The following ANK3 variants were observed in gnomAD, a reference collection of about 807,000 sequenced individuals.
ANK3 encodes ankyrin 3, also known as ankyrin-3.
In ANK3, 57 loss-of-function variants were observed where a neutral mutation model predicts 370.9. That is an observed-to-expected ratio of 0.15 (90% CI 0.12 to 0.19). The LOEUF is 0.19. Among genes scored for constraint, ANK3 ranks in the 10% least tolerant of loss-of-function variants. The pLI, the probability that ANK3 is intolerant of heterozygous loss-of-function variation, is 1.00. For synonymous variants in ANK3, 1,929 were observed against 1,946.3 expected, an observed-to-expected ratio of 0.99 and a Z score of 0.23; for missense variants, 4,439 against 5,302.1, an observed-to-expected ratio of 0.84 and a Z score of 5.06.
intron 2 of ANK3, among the ~76,000 whole-genome samples, chr10:60,473,579 A>G (rs1029725306): frequency 2.6e-5 from 4 of 152,166 alleles, no homozygotes; most frequent in African/African-American, 9.6e-5. Context: ...ACCCCTTAAG[A>G]AAAGGACAAC....
At chr10:60,448,403 C>T (rs558043810) in intron 2 of ANK3, among the ~76,000 whole-genome samples, 2 of 152,324 alleles carry the variant, frequency 1.3e-5, no homozygotes, top group South Asian at 4.1e-4. Context: ...GTCTTTCCTT[C>T]TGACTCAGAC....
At chr10:60,277,189 G>A (rs112639476) in intron 4 of ANK3, among the ~76,000 whole-genome samples, 1 of 152,170 alleles carries the variant, frequency 6.6e-6, no homozygotes, top group Non-Finnish European at 1.5e-5. Context: ...GTAGTAAGCA[G>A]GGGAGGAAGT....
Position 60,333,335 on chromosome 10 carries a change from C to T in ANK3, c.115-53696G>A, listed in dbSNP as rs982997254. On this transcript the variant is annotated intron_variant, in intron 1 of 43. Coordinates refer to ENST00000280772, the MANE Select transcript of ANK3 (RefSeq NM_020987.5). ...CCCCGACAGGCCCCAGTGTGTGATG[C>T]TCCCCTCCCTGTGCCCATGTGTTCT... 9.2e-5 allele frequency among the ~76,000 whole-genome samples: 14 copies of T among 151,806 alleles called. No homozygotes were observed. The Middle Eastern group carries it at 0.017, about 184-fold the overall frequency.
chr10:60,173,791 A>G (rs2095853833), intron 18 of ANK3, among the ~76,000 whole-genome samples: 1 of 152,146 alleles, frequency 6.6e-6, no homozygotes, highest in South Asian at 2.1e-4. Context: ...CCACTGATTC[A>G]CTGATTTAGA....
chr10:60,175,199 C>CTCCA (rs1318950875), intron 18 of ANK3, among the ~76,000 whole-genome samples: 1 of 152,208 alleles, frequency 6.6e-6, no homozygotes, highest in East Asian at 1.9e-4. Context: ...GGTCGCTGTG[C>CTCCA]TCCAGGACAC....
chr10:60,546,107 T>C (rs1364685641), intron 2 of ANK3, among the ~76,000 whole-genome samples: 1 of 152,264 alleles, frequency 6.6e-6, no homozygotes, highest in East Asian at 1.9e-4. Context: ...ACAATCATAG[T>C]TCTCTGTGGC....
intron 7 of ANK3, among the ~76,000 whole-genome samples, chr10:60,261,547 G>T (rs1323711252): frequency 1.3e-5 from 2 of 152,184 alleles, no homozygotes; most frequent in Non-Finnish European, 2.9e-5. Context: ...AAGGGTTTCA[G>T]AAATTTTAAC....
intron 28 of ANK3, among the ~76,000 whole-genome samples, chr10:60,103,904 C>T (rs1458787991): frequency 6.6e-6 from 1 of 152,046 alleles, no homozygotes; most frequent in Non-Finnish European, 1.5e-5. Flanking sequence ...AACTATGCAG[C>T]CATAAAAAAG....
intron 41 of ANK3, among the ~76,000 whole-genome samples, chr10:60,058,063 C>A (rs1316641664): frequency 6.6e-6 from 1 of 152,084 alleles, no homozygotes; most frequent in Admixed American, 6.6e-5. Context: ...ATATTTTAGT[C>A]TAATGTGTAT....
At chr10:60,656,068 T>C (rs1297878791) in intron 1 of ANK3, among the ~76,000 whole-genome samples, 2 of 152,198 alleles carry the variant, frequency 1.3e-5, no homozygotes, top group Non-Finnish European at 2.9e-5. Flanking sequence ...AATTTCTCAA[T>C]GTGTATCTGT....
At chr10:60,272,256 C>A (rs2098003905) in intron 4 of ANK3, among the ~76,000 whole-genome samples, 1 of 151,654 alleles carries the variant, frequency 6.6e-6, no homozygotes, top group Admixed American at 6.6e-5. Context: ...CTAATTGGAC[C>A]AAAATGAAAG....
intron 26 of ANK3, 146 bp from the exon 27 acceptor site, chr10:60,109,200 T>C (rs1462839832): frequency 1.5e-6 from 1 of 664,082 alleles, no homozygotes. Context: ...GTCAATACAG[T>C]GGAGTCACAT....
chr10:60,081,918 A>G (rs1341647430), intron 35 of ANK3: 1 of 395,530 alleles, frequency 2.5e-6, no homozygotes, highest in East Asian at 4.1e-5. Flanking sequence ...AAAGACCTTC[A>G]GTTTCTGAAT....
chr10:60,478,336 T>C (rs2075125451), intron 2 of ANK3, among the ~76,000 whole-genome samples: 1 of 152,098 alleles, frequency 6.6e-6, no homozygotes, highest in African/African-American at 2.4e-5. Flanking sequence ...TTTTCTGCAA[T>C]GCTAAAAAAA....
chr10:60,518,968 T>C (rs2076287324), intron 2 of ANK3, among the ~76,000 whole-genome samples: 1 of 152,140 alleles, frequency 6.6e-6, no homozygotes, highest in South Asian at 2.1e-4. Flanking sequence ...CCAGTCTCCT[T>C]TCTACCTGGT....
At chr10:60,116,068 T>C (rs2093056199) in intron 25 of ANK3, among the ~76,000 whole-genome samples, 1 of 152,082 alleles carries the variant, frequency 6.6e-6, no homozygotes, top group Admixed American at 6.6e-5. Flanking sequence ...CTTTAAAAAG[T>C]GATTTGACCT....
At chr10:60,510,882 C>T (rs1415942399) in intron 2 of ANK3, among the ~76,000 whole-genome samples, 1 of 152,066 alleles carries the variant, frequency 6.6e-6, no homozygotes, top group Non-Finnish European at 1.5e-5. Context: ...TGAAAGCCCA[C>T]ATGGGTCTCC....
rs927912216 is a variant in ANK3, at chr10:60,256,935, T to G, written c.798+4924A>C. On this transcript the variant is annotated intron_variant, in intron 7 of 43. Transcript: ENST00000280772. ...CATAAATAGTGCTTCAATGAACATGTGAACACGTATTTTTTGGCAAGACAA... is the reference window on the plus strand; with the variant it reads ...CATAAATAGTGCTTCAATGAACATGGGAACACGTATTTTTTGGCAAGACAA... 2.6e-5 allele frequency among the ~76,000 whole-genome samples: 4 copies of G among 152,358 alleles called. No individual in the cohort carries two copies. The South Asian group carries it at 8.3e-4, about 32-fold the overall frequency.
intron 18 of ANK3, among the ~76,000 whole-genome samples, chr10:60,173,550 T>C (rs1477775121): frequency 6.6e-6 from 1 of 152,220 alleles, no homozygotes; most frequent in Non-Finnish European, 1.5e-5. Flanking sequence ...TTGACTTGTT[T>C]ATTGAATACT....
Sources: gnomAD v4.1 joint callset for allele counts (sites outside exome capture counted in the v4.1 genomes callset) on GRCh38, gnomAD v4.1.1 for gene constraint, MANE v1.5 for transcripts, NCBI Gene and HGNC (gene_info 2026-07-23, HGNC 2026-07-21) for gene names.